XPO1: variants seen among roughly 807,000 people sequenced by gnomAD.
XPO1 encodes exportin-1.
XPO1 carries 5 observed loss-of-function variants against 133.3 expected under a neutral mutation model. The ratio of observed to expected loss-of-function variants is 0.04; its 90% CI spans 0.02 to 0.08. The LOEUF is 0.08. XPO1 is among the 10% of genes least tolerant of loss of function. The pLI is 1.00. For missense variants in XPO1, 506 were observed against 1,267.5 expected (o/e 0.40, Z 9.12); for synonymous variants, 419 against 408.2 (o/e 1.03, Z -0.32).
At chr2:61,524,598 A>G (rs1220791896) in intron 3 of XPO1, among the ~76,000 whole-genome samples, 1 of 152,224 alleles carries the variant, frequency 6.6e-6, no homozygotes, top group East Asian at 1.9e-4. Context: ...TGCCTATGAA[A>G]CTAAAACAAA....
intron 22 of XPO1, chr2:61,482,753 A>T: frequency 2.7e-6 from 2 of 737,074 alleles, no homozygotes; most frequent in Non-Finnish European, 4.2e-6. Flanking sequence ...TTGCAATCAC[A>T]TGCCACCATG....
At chr2:61,482,817 G>GT in intron 22 of XPO1, 140 bp downstream of exon 22, 1 of 1,009,926 alleles carries the variant, frequency 9.9e-7, no homozygotes, top group East Asian at 2.6e-5. Context: ...AGTACAGACA[G>GT]TTTCACCATG....
chr2:61,530,535 T>C (rs1011743443), intron 2 of XPO1, among the ~76,000 whole-genome samples: 1 of 152,204 alleles, frequency 6.6e-6, no homozygotes, highest in Non-Finnish European at 1.5e-5. Flanking sequence ...CATCCAACTC[T>C]TCCCGCATCT....
chr2:61,527,028 G>T (rs1698934776), intron 2 of XPO1, among the ~76,000 whole-genome samples: 1 of 151,994 alleles, frequency 6.6e-6, no homozygotes, highest in African/African-American at 2.4e-5. Flanking sequence ...CTTTAAAGGT[G>T]CAAATATTTT....
At chr2:61,514,593 T>C in intron 4 of XPO1, among the ~76,000 whole-genome samples, 1 of 125,868 alleles carries the variant, frequency 7.9e-6, no homozygotes, top group East Asian at 2.3e-4. Flanking sequence ...ACTCTGTCTT[T>C]AAAAAAAAAA....
At chr2:61,499,994 T>C in intron 6 of XPO1, 100 bp from the exon 7 acceptor site, 4 of 1,176,604 alleles carry the variant, frequency 3.4e-6, no homozygotes, top group Non-Finnish European at 4.8e-6. Context: ...GGAGTAAGGA[T>C]AAATCACTTT....
chr2:61,483,691 T>C (rs576938208), intron 21 of XPO1: 21 of 414,012 alleles, frequency 5.1e-5, no homozygotes, highest in Non-Finnish European at 8.2e-5. Context: ...CACTACCCAG[T>C]AGAACTTTGT....
intron 9 of XPO1, among the ~76,000 whole-genome samples, chr2:61,497,995 T>C (rs933653799): frequency 6.6e-6 from 1 of 152,248 alleles, no homozygotes; most frequent in African/African-American, 2.4e-5. Flanking sequence ...AGTTATAATG[T>C]TCCAATTAGA....
chr2:61,485,622 CAAG>C (rs1227580907), intron 20 of XPO1, 143 bp downstream of exon 20: 2 of 779,854 alleles, frequency 2.6e-6, no homozygotes, highest in African/African-American at 3.6e-5. Flanking sequence ...TCTTGAAAAC[CAAG>C]AAAGTATTTC....
intron 4 of XPO1, among the ~76,000 whole-genome samples, chr2:61,505,722 C>CT (rs1328158076): frequency 2.6e-5 from 4 of 151,908 alleles, no homozygotes; most frequent in South Asian, 2.1e-4. Flanking sequence ...CCGCACCTGG[C>CT]TTTTTTTTGT....
chr2:61,495,648 T>G, intron 10 of XPO1, 35 bp from the exon 11 acceptor site: 1 of 1,519,954 alleles, frequency 6.6e-7, no homozygotes, highest in African/African-American at 1.4e-5. Flanking sequence ...AGTTCGCATT[T>G]TATAAAACAA....
At chr2:61,513,905 G>A (rs1039873702) in intron 4 of XPO1, among the ~76,000 whole-genome samples, 2 of 152,092 alleles carry the variant, frequency 1.3e-5, no homozygotes, top group Non-Finnish European at 2.9e-5. Flanking sequence ...AAATTGGCGG[G>A]GCATGGTGGG....
At chr2:61,488,875 G>A in intron 17 of XPO1, 104 bp from the exon 18 acceptor site, 2 of 1,236,876 alleles carry the variant, frequency 1.6e-6, no homozygotes, top group Non-Finnish European at 2.3e-6. Flanking sequence ...GCCGAGGCGG[G>A]CGGATGATGA....
Position 61,478,749 on chromosome 2 carries a change from C to G in XPO1, c.*71G>C, listed in dbSNP as rs1014133900. 2.1e-5 allele frequency: 32 copies of G among 1,504,606 alleles called. No homozygotes were observed. Among genetic ancestry groups the G allele is most frequent in the Non-Finnish European group, 2.8e-5 (31 of 1,119,824 alleles). The allele number at this position is 1,504,606 out of a possible 1,614,324, so 93.2% of individuals were successfully genotyped here. A position where few individuals can be genotyped will look rare whatever the true frequency, so the allele number is the denominator to read the frequency against. On this transcript the variant is annotated 3_prime_UTR_variant, in exon 25 of 25. Transcript: ENST00000401558. ...ATTTACAAATTGGCATCATTTTGGT[C>G]GACAAATACCCACATGCTGTTTTCC...
At chr2:61,513,183 C>T (rs922940992) in intron 4 of XPO1, among the ~76,000 whole-genome samples, 1 of 151,822 alleles carries the variant, frequency 6.6e-6, no homozygotes, top group Admixed American at 6.6e-5. Flanking sequence ...CCTCAGCTTC[C>T]TGGCAGTCGG....
At chr2:61,485,999 A>T (rs191819722) in intron 19 of XPO1, 37 bp from the exon 20 acceptor site, 1 of 1,547,494 alleles carries the variant, frequency 6.5e-7, no homozygotes, top group East Asian at 2.4e-5. Context: ...GTTTTAATTT[A>T]GGTACATGGT....
At chr2:61,482,597 GTTTTTTTTTGT>G (rs1696442789) in intron 22 of XPO1, 58 bp from the exon 23 acceptor site, 5 of 1,195,102 alleles carry the variant, frequency 4.2e-6, no homozygotes, top group African/African-American at 4.2e-5. Flanking sequence ...AGATCTTAGC[GTTTTTTTTTGT>G]TTTGTTTTTT....
At chr2:61,486,240 C>G (rs961918522) in intron 19 of XPO1, among the ~76,000 whole-genome samples, 1 of 151,784 alleles carries the variant, frequency 6.6e-6, no homozygotes, top group Non-Finnish European at 1.5e-5. Context: ...AGTGGCAAAT[C>G]TCTGCTCACT....
At position 61,478,178 on chromosome 2, in the gene XPO1, A is replaced by G. The variant is rs1263015177; in HGVS notation, c.*642T>C. Reference sequence around the variant, plus strand: ...GGAAAACAAAAAGCTGTTGTCGACAAGCGACAGCACACACACACAAAAACA... The same window carrying G: ...GGAAAACAAAAAGCTGTTGTCGACAGGCGACAGCACACACACACAAAAACA... On this transcript the variant is annotated 3_prime_UTR_variant, in exon 25 of 25. Transcript: ENST00000401558. The G allele has an allele frequency of 8.6e-6, 2 of 233,456 alleles. No individual in the cohort carries two copies. Among genetic ancestry groups the G allele is most frequent in the African/African-American group, 4.4e-5 (2 of 45,350 alleles). 14.5% of individuals were successfully genotyped at this position (233,456 alleles called of 1,614,324 possible). A position where few individuals can be genotyped will look rare whatever the true frequency, so the allele number is the denominator to read the frequency against.
Sources: allele counts gnomAD v4.1 joint callset (sites outside exome capture counted in the v4.1 genomes callset), GRCh38; gene constraint gnomAD v4.1.1; transcripts MANE v1.5; gene names NCBI Gene and HGNC (gene_info 2026-07-23, HGNC 2026-07-21).